SLC2A14: variants seen among roughly 807,000 people sequenced by gnomAD.
The protein encoded by SLC2A14 is solute carrier family 2 member 14.
SLC2A14 carries 13 observed loss-of-function variants against 43.0 expected under a neutral mutation model. That is an observed-to-expected ratio of 0.30 (90% confidence interval 0.20 to 0.48). The LOEUF is 0.48. SLC2A14 is among the 20% of genes least tolerant of loss of function. The probability of loss-of-function intolerance (pLI) is 0.99; values close to 1 mark genes in which losing one functional copy is unlikely to be tolerated. For missense variants in SLC2A14, 428 were observed against 620.4 expected, an observed-to-expected ratio of 0.69 and a Z score of 3.29; for synonymous variants, 190 against 233.8, an observed-to-expected ratio of 0.81 and a Z score of 1.71.
chr12:7,836,807 G>A (rs117487835), intron 2 of SLC2A14, among the ~76,000 whole-genome samples: 1,728 of 150,664 alleles, frequency 0.011, 18 homozygotes, highest in Non-Finnish European at 0.018. Context: ...CTGCACACCA[G>A]CCTGGGTGAC....
At chr12:7,817,755 G>T (rs202200724) in intron 10 of SLC2A14, 76 bp downstream of exon 10, 246 of 1,255,198 alleles carry the variant, frequency 2.0e-4, no homozygotes, top group Middle Eastern at 4.2e-4. Context: ...TATATATATA[G>T]ATAGATAGAT....
In SLC2A14 at chr12:7,883,933, T is replaced by C. The variant is rs751600614; in HGVS notation, c.132+7063A>G. On this transcript the variant is annotated intron_variant, in intron 1 of 9. Transcript: ENST00000539924. ...TAACTTTTCTTTCTTTCTTTCTTTTTTTTTGTTTGAGGCGGAGCCTTGGTC... is the reference window on the plus strand; with the variant it reads ...TAACTTTTCTTTCTTTCTTTCTTTTCTTTTGTTTGAGGCGGAGCCTTGGTC... Among the ~76,000 whole-genome samples, 991 of 151,674 alleles carry C rather than the reference T, an allele frequency of 6.5e-3. 9 individuals are homozygous for C. Among genetic ancestry groups the C allele is most frequent in the African/African-American group, 0.022 (925 of 41,322 alleles).
At chr12:7,829,009 T>G (rs1454999164) in intron 5 of SLC2A14, 143 bp from the exon 6 acceptor site, 1 of 1,033,176 alleles carries the variant, frequency 9.7e-7, no homozygotes, top group African/African-American at 1.6e-5. Flanking sequence ...GATCAGGAGT[T>G]GAAGACCAGC....
At chr12:7,881,384 C>T (rs1237994268) in intron 1 of SLC2A14, among the ~76,000 whole-genome samples, 4 of 151,758 alleles carry the variant, frequency 2.6e-5, no homozygotes, top group African/African-American at 9.7e-5. Context: ...GGCCGGCCGG[C>T]CGGCCCTGGT....
intron 1 of SLC2A14, among the ~76,000 whole-genome samples, chr12:7,882,304 G>A (rs1945595766): frequency 6.6e-6 from 1 of 152,030 alleles, no homozygotes; most frequent in East Asian, 1.9e-4. Flanking sequence ...GTTCACTCCT[G>A]AGTCAGGGAG....
intron 2 of SLC2A14, among the ~76,000 whole-genome samples, chr12:7,861,855 G>A (rs1016368758): frequency 6.6e-6 from 1 of 151,708 alleles, no homozygotes; most frequent in Non-Finnish European, 1.5e-5. Context: ...CCACCTACTC[G>A]GGAGGCTGAC....
intron 1 of SLC2A14, chr12:7,871,980 AAG>A: frequency 1.3e-6 from 1 of 799,086 alleles, no homozygotes; most frequent in Non-Finnish European, 1.5e-6. Flanking sequence ...AAAAAAGAAA[AAG>A]AAAAAAAAAG....
intron 1 of SLC2A14, among the ~76,000 whole-genome samples, chr12:7,888,214 G>A (rs977350456): frequency 1.3e-5 from 2 of 151,976 alleles, no homozygotes; most frequent in African/African-American, 2.4e-5. Context: ...CTGCAGCTTC[G>A]GTTGGCACAC....
intron 2 of SLC2A14, among the ~76,000 whole-genome samples, chr12:7,868,225 T>C (rs1945032440): frequency 6.6e-6 from 1 of 152,194 alleles, no homozygotes; most frequent in Non-Finnish European, 1.5e-5. Flanking sequence ...TATGACATGC[T>C]GAAGGCTCAG....
At chr12:7,821,493 G>C (rs976359433) in intron 7 of SLC2A14, among the ~76,000 whole-genome samples, 168 bp from the exon 8 acceptor site, 3 of 152,096 alleles carry the variant, frequency 2.0e-5, no homozygotes, top group African/African-American at 7.2e-5. Flanking sequence ...GACCAGCCTG[G>C]CCAATATGGT....
chr12:7,850,402 TA>T (rs1489397746), intron 2 of SLC2A14, among the ~76,000 whole-genome samples: 4 of 152,040 alleles, frequency 2.6e-5, no homozygotes, highest in African/African-American at 4.8e-5. Flanking sequence ...TATTTATTAT[TA>T]TTATTTTTTT....
intron 7 of SLC2A14, among the ~76,000 whole-genome samples, chr12:7,824,486 C>G (rs1864177917): frequency 6.6e-6 from 1 of 151,990 alleles, no homozygotes; most frequent in Non-Finnish European, 1.5e-5. Context: ...GTAATCCCAG[C>G]ACTCTGGGAG....
intron 2 of SLC2A14, among the ~76,000 whole-genome samples, chr12:7,869,355 C>T (rs1945106423): frequency 6.6e-6 from 1 of 152,068 alleles, no homozygotes; most frequent in Admixed American, 6.6e-5. Flanking sequence ...CCTATCCTAC[C>T]CTCCAGCCCA....
rs751749833 is a variant in SLC2A14 at position 7,829,193 on chromosome 12, CAG to C, written c.514-329_514-328del. On this transcript the variant is annotated intron_variant, in intron 5 of 10. Coordinates refer to ENST00000431042, the MANE Select transcript of SLC2A14 (RefSeq NM_001286234.2). Reference sequence around the variant, plus strand: ...CGCCACTGCCCTCCAGACTGGGCGACAGAGTGAGACTCCGTCTCAGAAACAAA... The same window carrying C: ...CGCCACTGCCCTCCAGACTGGGCGACAGTGAGACTCCGTCTCAGAAACAAA... Among the ~76,000 whole-genome samples, 226 of 152,070 alleles carry C rather than the reference CAG, an allele frequency of 1.5e-3. 1 individual carries two copies. The highest frequency in any genetic ancestry group is 5.2e-3 in the African/African-American group (216 of 41,446).
intron 1 of SLC2A14, among the ~76,000 whole-genome samples, chr12:7,878,720 G>A (rs757254730): frequency 6.6e-6 from 1 of 151,750 alleles, no homozygotes; most frequent in Admixed American, 6.6e-5. Flanking sequence ...GGCTCAGGGC[G>A]ATAATCCCAG....
intron 6 of SLC2A14, among the ~76,000 whole-genome samples, chr12:7,828,050 C>T (rs1310291230): frequency 6.6e-6 from 1 of 151,316 alleles, no homozygotes; most frequent in East Asian, 1.9e-4. Flanking sequence ...AATAAACTTG[C>T]TTTCACTTAA....
chr12:7,840,949 C>T (rs1024829411), intron 2 of SLC2A14, among the ~76,000 whole-genome samples: 3 of 151,420 alleles, frequency 2.0e-5, no homozygotes, highest in Non-Finnish European at 1.5e-5. Context: ...ATTTTAGATG[C>T]GCTAAGTCGG....
At chr12:7,882,709 C>T (rs748001012) in intron 1 of SLC2A14, among the ~76,000 whole-genome samples, 18 of 151,982 alleles carry the variant, frequency 1.2e-4, no homozygotes, top group African/African-American at 3.4e-4. Context: ...TAGTGGCGCA[C>T]GCCTGTAATC....
chr12:7,825,912 G>A (rs1204246979), intron 7 of SLC2A14, among the ~76,000 whole-genome samples: 1 of 151,882 alleles, frequency 6.6e-6, no homozygotes, highest in Non-Finnish European at 1.5e-5. Context: ...GTTTTGCAGG[G>A]CCCAGACTGT....
Sources: allele counts gnomAD v4.1 joint callset (sites outside exome capture counted in the v4.1 genomes callset), GRCh38; gene constraint gnomAD v4.1.1; transcripts MANE v1.5; gene names NCBI Gene and HGNC (gene_info 2026-07-23, HGNC 2026-07-21).